The following SPAM1 variants were observed in gnomAD, a reference collection of about 807,000 sequenced individuals.
SPAM1 encodes hyaluronidase PH-20.
SPAM1 carries 22 observed loss-of-function variants against 29.6 expected under a neutral mutation model. The ratio of observed to expected loss-of-function variants is 0.74; its 90% CI spans 0.53 to 1.06. SPAM1 has a LOEUF of 1.06. Among genes scored for constraint, SPAM1 ranks in the 50% least tolerant of loss-of-function variants. SPAM1 has a pLI of 0.00. For missense variants in SPAM1, 534 were observed against 604.0 expected (o/e 0.88, Z 1.21); for synonymous variants, 194 against 204.6 (o/e 0.95, Z 0.44).
At chr7:123,969,386 C>T (rs1447181014) in intron 5 of SPAM1, among the ~76,000 whole-genome samples, 7 of 151,834 alleles carry the variant, frequency 4.6e-5, no homozygotes, top group Non-Finnish European at 7.4e-5. Context: ...GAAGCATTTC[C>T]CCTATGTTTT....
Position 123,959,503 on chromosome 7 carries a change from A to G in SPAM1, c.1064A>G (p.Asp355Gly), listed in dbSNP as rs908337143. The G allele has an allele frequency of 1.9e-6, 3 of 1,602,900 alleles. No homozygotes were observed. In the Admixed American group the frequency reaches 5.1e-5, roughly 27 times the overall value. The change falls in exon 5 of 5, where the codon GAC becomes GGC. Residue 355 changes from aspartate to glycine, a missense_variant. Coordinates refer to ENST00000682466, the MANE Select transcript of SPAM1 (RefSeq NM_153189.3). ...MRSMKSCLLL[D>G]NYMETILNPY... ...TTACAGAAATCTTGCTTGCTCCTAG[A>G]CAATTACATGGAGACTATACTGAAT...
chr7:123,944,305 C>G (rs1808510358), intron 1 of SPAM1, among the ~76,000 whole-genome samples: 1 of 151,954 alleles, frequency 6.6e-6, no homozygotes, highest in Non-Finnish European at 1.5e-5. Flanking sequence ...GATTTGGGGT[C>G]CTTTTTAGAC....
At chr7:123,926,687 G>C (rs1807896524) in intron 1 of SPAM1, among the ~76,000 whole-genome samples, 1 of 152,106 alleles carries the variant, frequency 6.6e-6, no homozygotes, top group African/African-American at 2.4e-5. Context: ...TAGAAAGGCG[G>C]GACAACTCAG....
At position 123,953,766 on chromosome 7, in the gene SPAM1, G is replaced by A. The variant is rs778526503; in HGVS notation, c.196G>A (p.Glu66Lys). Residue 66 changes from glutamate (E) to lysine (K), a missense_variant, in exon 3 of 5, where the codon GAG becomes AAG. Transcript: ENST00000682466. ...PSEFCLGKFD[E>K]PLDMSLFSFI... ...TGAATTTTGTCTTGGAAAATTTGAT[G>A]AGCCACTAGATATGAGCCTCTTCTC... The A allele has an allele frequency of 1.1e-5, 17 of 1,612,866 alleles. No homozygotes were observed. The highest frequency in any genetic ancestry group is 5.5e-5 in the South Asian group (5 of 90,914).
In SPAM1 at chr7:123,954,482, C is replaced by T. The variant is rs1336915077; in HGVS notation, c.912C>T (p.Thr304=). 1 of 1,611,430 alleles carries T rather than the reference C, an allele frequency of 6.2e-7. No individual in the cohort carries two copies. Among genetic ancestry groups the T allele is most frequent in the Admixed American group, 1.7e-5 (1 of 59,792 alleles). The change falls in exon 3 of 5, where the codon ACC becomes ACT. Residue 304 remains threonine (T), a synonymous_variant. Coordinates refer to ENST00000682466, the MANE Select transcript of SPAM1 (RefSeq NM_153189.3). ...GTCCACTTCCGGTTTTTGCATATAC[C>T]CGCATAGTTTTTACTGATCAAGTTT... ...AKSPLPVFAY[T]RIVFTDQVLK...
intron 1 of SPAM1, among the ~76,000 whole-genome samples, chr7:123,933,878 A>G (rs915222064): frequency 3.9e-5 from 6 of 152,190 alleles, no homozygotes; most frequent in Non-Finnish European, 5.9e-5. Flanking sequence ...TATATATACC[A>G]TGGTGGTCCC....
chr7:123,957,067 A>G (rs17146516), intron 4 of SPAM1, among the ~76,000 whole-genome samples: 20,148 of 151,960 alleles, frequency 0.13, 1,793 homozygotes, highest in East Asian at 0.36. Context: ...CTGCAATGTT[A>G]TTTGAACTTG....
chr7:123,926,140 AGTTACTCTGT>A (rs1563018683), intron 1 of SPAM1: 2 of 152,228 alleles, frequency 1.3e-5, no homozygotes, highest in Non-Finnish European at 2.9e-5. Context: ...CTCCACAGGT[AGTTACTCTGT>A]GTTCACCTTA....
chr7:123,928,222 A>G (rs1807958464), intron 1 of SPAM1, among the ~76,000 whole-genome samples: 1 of 152,146 alleles, frequency 6.6e-6, no homozygotes, highest in Admixed American at 6.6e-5. Flanking sequence ...TTACTTTTCC[A>G]GGTAACGCCC....
intron 1 of SPAM1, among the ~76,000 whole-genome samples, chr7:123,933,517 G>A (rs1584947558): frequency 6.6e-6 from 1 of 152,186 alleles, no homozygotes; most frequent in East Asian, 1.9e-4. Context: ...CCTTCTAGGA[G>A]TAGTAATTTG....
At position 123,954,996 on chromosome 7, in the gene SPAM1, G is replaced by T. The variant is rs753034789; in HGVS notation, c.955-1G>T. 84 of 1,606,976 alleles carry T rather than the reference G, an allele frequency of 5.2e-5. 1 individual carries two copies. In the South Asian group the frequency reaches 8.6e-4, roughly 16 times the overall value. ...CTAACTCTTTCTGTCACATTTTCCAGGATGAACTTGTGTATACATTTGGCG... is the reference window on the plus strand; with the variant it reads ...CTAACTCTTTCTGTCACATTTTCCATGATGAACTTGTGTATACATTTGGCG... On this transcript the variant is annotated splice_acceptor_variant, in intron 3 of 4. Transcript: ENST00000682466. LOFTEE classifies it high-confidence loss of function.
intron 1 of SPAM1, among the ~76,000 whole-genome samples, chr7:123,938,876 C>G (rs1005370004): frequency 6.6e-6 from 1 of 151,980 alleles, no homozygotes; most frequent in African/African-American, 2.4e-5. Context: ...GGTACTGAGC[C>G]CTTTGCCTTA....
At chr7:123,951,145 A>C (rs1219012314) in intron 2 of SPAM1, among the ~76,000 whole-genome samples, 1 of 152,098 alleles carries the variant, frequency 6.6e-6, no homozygotes, top group South Asian at 2.1e-4. Context: ...TTCCTCATAG[A>C]TTCTGGGTAT....
At chr7:123,950,715 A>G (rs28892325) in intron 2 of SPAM1, among the ~76,000 whole-genome samples, 1 of 152,134 alleles carries the variant, frequency 6.6e-6, no homozygotes, top group Non-Finnish European at 1.5e-5. Flanking sequence ...ATAGTGCTAC[A>G]ATGAAGATTT....
rs114411103 is a variant in SPAM1, at chr7:123,927,292, A to G, written c.-319+1940A>G. Among the ~76,000 whole-genome samples, 1,340 of 152,284 alleles carry G rather than the reference A, an allele frequency of 8.8e-3. 27 individuals are homozygous for G. The highest frequency in any genetic ancestry group is 0.03 in the African/African-American group (1,266 of 41,566). Reference sequence around the variant, plus strand: ...AATCCTATTCTTTTCATGGCAATATAGGTGAAAAGGTTTGCCAAAGTTGGG... The same window carrying G: ...AATCCTATTCTTTTCATGGCAATATGGGTGAAAAGGTTTGCCAAAGTTGGG... On this transcript the variant is annotated intron_variant, in intron 1 of 4. Transcript: ENST00000682466.
chr7:123,933,417 C>T (rs1246605646), intron 1 of SPAM1, among the ~76,000 whole-genome samples: 1 of 151,914 alleles, frequency 6.6e-6, no homozygotes, highest in African/African-American at 2.4e-5. Context: ...AAATGAAAAC[C>T]CAAAGAAACA....
downstream of SPAM1, among the ~76,000 whole-genome samples, chr7:123,961,480 T>C (rs28812505): frequency 0.14 from 21,409 of 151,940 alleles, 1,641 homozygotes; most frequent in African/African-American, 0.19. Context: ...ATCCATGTTG[T>C]TGCAACAAAC....
intron 4 of SPAM1, among the ~76,000 whole-genome samples, chr7:123,959,044 A>G (rs1443468193): frequency 6.6e-6 from 1 of 151,994 alleles, no homozygotes; most frequent in South Asian, 2.1e-4. Context: ...CAAGTTAATC[A>G]ATTTGCCCAA....
At position 123,931,210 on chromosome 7, in the gene SPAM1, A is replaced by G. The variant is rs1268024313; in HGVS notation, c.-319+5858A>G. Among the ~76,000 whole-genome samples, 3 of 152,118 alleles carry G rather than the reference A, an allele frequency of 2.0e-5. No homozygotes were observed. The East Asian group carries it at 5.8e-4, about 29-fold the overall frequency. On this transcript the variant is annotated intron_variant, in intron 1 of 4. Transcript: ENST00000682466. ...TTCTGCCCTCCTGCCTCTCAGTCCCATTTGCCTCCAAGGCTAGCCATAAAA... is the reference window on the plus strand; with the variant it reads ...TTCTGCCCTCCTGCCTCTCAGTCCCGTTTGCCTCCAAGGCTAGCCATAAAA...
Sources: gnomAD v4.1 joint callset for allele counts (sites outside exome capture counted in the v4.1 genomes callset) on GRCh38, gnomAD v4.1.1 for gene constraint, MANE v1.5 for transcripts, NCBI Gene and HGNC (gene_info 2026-07-23, HGNC 2026-07-21) for gene names.